The following KDM3B variants were observed in gnomAD, a reference collection of about 807,000 sequenced individuals.
KDM3B encodes lysine demethylase 3B.
KDM3B carries 10 observed loss-of-function variants against 170.0 expected under a neutral mutation model. That is an observed-to-expected ratio of 0.06 (90% CI 0.04 to 0.10). The LOEUF (loss-of-function observed/expected upper bound fraction) is 0.10. KDM3B is among the 10% of genes least tolerant of loss of function. The pLI is 1.00. For synonymous variants in KDM3B, 831 were observed against 834.8 expected (o/e 1.00, Z 0.08); for missense variants, 1,394 against 2,195.2 (o/e 0.64, Z 7.29).
At chr5:138,390,960 A>G (rs1453358740) in intron 7 of KDM3B, 53 bp from the exon 8 acceptor site, 2 of 1,483,576 alleles carry the variant, frequency 1.3e-6, no homozygotes, top group Non-Finnish European at 1.8e-6. Flanking sequence ...GAAAGAGATC[A>G]TTAGATTGTC....
rs1270989863 is a variant in KDM3B, at chr5:138,399,975, T to C, written c.3162T>C (p.Leu1054=). Residue 1054 remains leucine, a synonymous_variant, in exon 11 of 24, where the codon CTT becomes CTC. Coordinates refer to ENST00000314358, the MANE Select transcript of KDM3B (RefSeq NM_016604.4). ...GCAAATGTGGATTTGGGGTCTGCCTTGACTGTTACCGGCTCAGGAAAAGCC... is the reference window on the plus strand; with the variant it reads ...GCAAATGTGGATTTGGGGTCTGCCTCGACTGTTACCGGCTCAGGAAAAGCC... ...VCRKCGFGVC[L]DCYRLRKSRP... 1.2e-6 allele frequency: 2 copies of C among 1,614,080 alleles called. No individual in the cohort carries two copies. The highest frequency in any genetic ancestry group is 2.2e-5 in the East Asian group (1 of 44,896).
chr5:138,375,793 C>T (rs1761983556), intron 3 of KDM3B, among the ~76,000 whole-genome samples: 1 of 152,106 alleles, frequency 6.6e-6, no homozygotes, highest in Non-Finnish European at 1.5e-5. Context: ...TCTCCTGCCT[C>T]AGCCTCCCAA....
Position 138,379,528 on chromosome 5 carries a change from A to T in KDM3B, c.581-56A>T, listed in dbSNP as rs900416442. On this transcript the variant is annotated intron_variant, in intron 4 of 23. Coordinates refer to ENST00000314358, the MANE Select transcript of KDM3B (RefSeq NM_016604.4). ...TAATTTTCCTTTGGCTTTTAGGAACAATTATGAAATATAGCTTAGCCAAAA... is the reference window on the plus strand; with the variant it reads ...TAATTTTCCTTTGGCTTTTAGGAACTATTATGAAATATAGCTTAGCCAAAA... 4 of 1,526,178 alleles carry T rather than the reference A, an allele frequency of 2.6e-6. No individual in the cohort carries two copies. In the East Asian group the frequency reaches 9.4e-5, roughly 36 times the overall value. 94.5% of individuals were successfully genotyped at this position (1,526,178 alleles called of 1,614,324 possible). A position where few individuals can be genotyped will look rare whatever the true frequency, so the allele number is the denominator to read the frequency against.
At chr5:138,435,414 C>G (rs1181609264) in intron 23 of KDM3B, among the ~76,000 whole-genome samples, 1 of 152,214 alleles carries the variant, frequency 6.6e-6, no homozygotes, top group Non-Finnish European at 1.5e-5. Context: ...TGATGGTGAT[C>G]AGATGGCCTT....
intron 6 of KDM3B, among the ~76,000 whole-genome samples, chr5:138,383,330 G>C (rs1762171849): frequency 6.6e-6 from 1 of 151,824 alleles, no homozygotes; most frequent in South Asian, 2.1e-4. Flanking sequence ...GTAGAGACAG[G>C]GTTTCACCAT....
chr5:138,420,708 G>C lies in KDM3B; in HGVS notation c.3718G>C (p.Ala1240Pro), dbSNP rs1580948439. Residue 1240 changes from alanine to proline, a missense_variant and splice_region_variant, in exon 15 of 24, where the codon GCA becomes CCA. Around this residue, in one of 19 missense-constraint regions of KDM3B, gnomAD observed 10 missense variants for 29.1 expected, o/e 0.34. Transcript: ENST00000314358. ...TQKAKEETKE[A>P]GSLRSVLNKE... ...TGTTCCTGGTTATGTTCTTACAGAAGCAGGGTCCCTGAGGTCGGTGCTCAA... is the reference window on the plus strand; with the variant it reads ...TGTTCCTGGTTATGTTCTTACAGAACCAGGGTCCCTGAGGTCGGTGCTCAA... 6.2e-7 allele frequency: 1 copy of C among 1,613,984 alleles called. No homozygotes were observed. Among genetic ancestry groups the C allele is most frequent in the South Asian group, 1.1e-5 (1 of 91,070 alleles).
chr5:138,397,916 C>T, intron 9 of KDM3B: 1 of 293,708 alleles, frequency 3.4e-6, no homozygotes, highest in South Asian at 1.0e-4. Context: ...TCACATTCAG[C>T]AGTATGGGTG....
chr5:138,371,554 C>G (rs1473061911), intron 1 of KDM3B, among the ~76,000 whole-genome samples: 3 of 151,940 alleles, frequency 2.0e-5, no homozygotes, highest in African/African-American at 7.3e-5. Context: ...AAATACAGTG[C>G]CTACTTAAGT....
rs1762251569 is a variant in KDM3B at position 138,386,033 on chromosome 5, A to C, written c.792A>C (p.Leu264Phe). The change falls in exon 7 of 24, where the codon TTA becomes TTC. Residue 264 changes from leucine to phenylalanine, a missense_variant. Leu to Phe is a conservative substitution (Grantham distance 22). Transcript: ENST00000314358. ...ATTTTGTTTTGTAGGGGGGTACGTTAAAAGCAGTAAAATCTTCCAAAGGAA... is the reference window on the plus strand; with the variant it reads ...ATTTTGTTTTGTAGGGGGGTACGTTCAAAGCAGTAAAATCTTCCAAAGGAA... ...NSAPQSEGGT[L>F]KAVKSSKGKK... 6.2e-7 allele frequency: 1 copy of C among 1,604,092 alleles called. No homozygotes were observed. Among genetic ancestry groups the C allele is most frequent in the African/African-American group, 1.3e-5 (1 of 74,268 alleles).
Position 138,428,622 on chromosome 5 carries a change from A to G in KDM3B, c.4753+536A>G, listed in dbSNP as rs72803892. 8.8e-3 allele frequency among the ~76,000 whole-genome samples: 1,344 copies of G among 152,258 alleles called. 27 individuals are homozygous for G. Among genetic ancestry groups the G allele is most frequent in the East Asian group, 0.069 (359 of 5,174 alleles). On this transcript the variant is annotated intron_variant, in intron 20 of 23. Transcript: ENST00000314358. ...ATAAAGGGGGAGGTTCTAATAGAGA[A>G]GAGTACTACTTTGCGTATCTTTGAC...
rs61219565 is a variant in KDM3B at position 138,419,728 on chromosome 5, T to C, written c.3715+496T>C. On this transcript the variant is annotated intron_variant, in intron 14 of 23. Coordinates refer to ENST00000314358, the MANE Select transcript of KDM3B (RefSeq NM_016604.4). ...ACACACACATATATATACACACACA[T>C]ACACACACACACACACACACACACA... 7.6e-3 allele frequency among the ~76,000 whole-genome samples: 931 copies of C among 121,984 alleles called. 15 individuals are homozygous for C. Among genetic ancestry groups the C allele is most frequent in the Middle Eastern group, 0.056 (14 of 250 alleles). 80.0% of individuals were successfully genotyped at this position (121,984 alleles called of 152,430 possible).
chr5:138,428,185 T>C, intron 20 of KDM3B, 99 bp downstream of exon 20: 3 of 1,206,946 alleles, frequency 2.5e-6, no homozygotes, highest in Non-Finnish European at 3.5e-6. Flanking sequence ...TTTCCTTTTT[T>C]TTTTCTTTTT....
intron 20 of KDM3B, 43 bp from the exon 21 acceptor site, chr5:138,429,783 G>A (rs1225908760): frequency 2.5e-6 from 4 of 1,606,010 alleles, no homozygotes; most frequent in Non-Finnish European, 3.4e-6. Context: ...CAGTGGTACT[G>A]AAATGGCTGA....
intron 13 of KDM3B, among the ~76,000 whole-genome samples, chr5:138,418,454 C>T (rs1004898173): frequency 2.6e-5 from 4 of 152,078 alleles, no homozygotes; most frequent in African/African-American, 9.7e-5. Flanking sequence ...TACAACACAT[C>T]GTTGATGATA....
chr5:138,354,661 A>G (rs891993096), intron 1 of KDM3B, among the ~76,000 whole-genome samples: 1 of 152,202 alleles, frequency 6.6e-6, no homozygotes, highest in African/African-American at 2.4e-5. Flanking sequence ...CTGGACACCC[A>G]CTAAGCTAAA....
chr5:138,410,889 C>T (rs1580934292), intron 11 of KDM3B, among the ~76,000 whole-genome samples: 1 of 152,354 alleles, frequency 6.6e-6, no homozygotes, highest in East Asian at 1.9e-4. Context: ...TAATTTTCTA[C>T]TGCTATCTAG....
chr5:138,353,081 G>A (rs1761368327), intron 1 of KDM3B, 94 bp downstream of exon 1: 2 of 939,038 alleles, frequency 2.1e-6, no homozygotes, highest in Non-Finnish European at 2.7e-6. Context: ...GTGGGATGGG[G>A]GTGACCCATT....
intron 9 of KDM3B, among the ~76,000 whole-genome samples, chr5:138,394,670 G>C (rs1057493596): frequency 6.6e-6 from 1 of 152,212 alleles, no homozygotes; most frequent in Non-Finnish European, 1.5e-5. Flanking sequence ...ATGAGTTAAT[G>C]ATGGGTCCAC....
chr5:138,380,188 A>T (rs898390344), intron 5 of KDM3B, among the ~76,000 whole-genome samples: 3 of 151,806 alleles, frequency 2.0e-5, no homozygotes, highest in Non-Finnish European at 4.4e-5. Flanking sequence ...GAGTCTTGCT[A>T]TGTTGCCTGG....
Sources: allele counts gnomAD v4.1 joint callset (sites outside exome capture counted in the v4.1 genomes callset), GRCh38; gene constraint gnomAD v4.1.1; regional missense constraint gnomAD v4.1.1; transcripts MANE v1.5; gene names NCBI Gene and HGNC (gene_info 2026-07-23, HGNC 2026-07-21).